ARMH4: variants seen among roughly 807,000 people sequenced by gnomAD.
The protein encoded by ARMH4 is armadillo like helical domain containing 4, also known as armadillo-like helical domain-containing protein 4.
In ARMH4, 49 loss-of-function variants were observed where a neutral mutation model predicts 61.9. The ratio of observed to expected loss-of-function variants is 0.79; its 90% CI spans 0.63 to 1.00. ARMH4 has a LOEUF of 1.00. Among genes scored for constraint, ARMH4 ranks in the 50% least tolerant of loss-of-function variants. The pLI is 0.00. For synonymous variants in ARMH4, 368 were observed against 341.5 expected (o/e 1.08, Z -0.85); for missense variants, 934 against 930.0 (o/e 1.00, Z -0.06).
chr14:58,072,269 T>C (rs1884906105), intron 5 of ARMH4, among the ~76,000 whole-genome samples: 1 of 152,206 alleles, frequency 6.6e-6, no homozygotes, highest in Non-Finnish European at 1.5e-5. Flanking sequence ...GCAACTTTTT[T>C]TTCTGAAGAG....
intron 5 of ARMH4, among the ~76,000 whole-genome samples, chr14:58,029,006 T>C (rs1883118033): frequency 6.6e-6 from 1 of 152,138 alleles, no homozygotes; most frequent in Non-Finnish European, 1.5e-5. Context: ...AACCATTACC[T>C]CTATCTAGTT....
rs1217717365 is a variant in ARMH4 at position 58,096,902 on chromosome 14, A to G, written c.1911T>C (p.Asp637=). 4 of 1,613,946 alleles carry G rather than the reference A, an allele frequency of 2.5e-6. No individual in the cohort carries two copies. Among genetic ancestry groups the G allele is most frequent in the South Asian group, 2.2e-5 (2 of 91,070 alleles). ...EEEDEEEDEE[D]KDADSLDEGL... is the part of the protein sequence containing the mutation. ...CCTCATCCAGCGAGTCTGCATCTTT[A>G]TCTTCCTCATCTTCTTCCTCATCTT... Residue 637 remains aspartate (D), a synonymous_variant, in exon 5 of 8, where the codon GAT becomes GAC. Coordinates refer to ENST00000267485, the MANE Select transcript of ARMH4 (RefSeq NM_001001872.4).
chr14:58,047,921 T>G (rs150931487), intron 5 of ARMH4, among the ~76,000 whole-genome samples: 1 of 152,092 alleles, frequency 6.6e-6, no homozygotes, highest in Non-Finnish European at 1.5e-5. Flanking sequence ...TCTGGGTAGA[T>G]GGCAGAGAAC....
intron 5 of ARMH4, among the ~76,000 whole-genome samples, chr14:58,068,370 T>C (rs948409179): frequency 6.6e-6 from 1 of 152,194 alleles, no homozygotes; most frequent in Non-Finnish European, 1.5e-5. Flanking sequence ...TTGAAAATGT[T>C]GTAGTCTTGA....
intron 5 of ARMH4, among the ~76,000 whole-genome samples, chr14:58,061,422 G>A (rs554138589): frequency 1.3e-4 from 19 of 151,954 alleles, no homozygotes; most frequent in African/African-American, 2.9e-4. Flanking sequence ...CCACCTTACC[G>A]AGCCCACCTC....
At chr14:58,028,504 T>C (rs766686460) in intron 5 of ARMH4, among the ~76,000 whole-genome samples, 2 of 152,214 alleles carry the variant, frequency 1.3e-5, no homozygotes, top group Non-Finnish European at 2.9e-5. Context: ...CCTGGCTTGC[T>C]GACAAGTAAC....
At chr14:58,025,521 G>T (rs1241025094) in intron 5 of ARMH4, among the ~76,000 whole-genome samples, 2 of 152,136 alleles carry the variant, frequency 1.3e-5, no homozygotes, top group Non-Finnish European at 2.9e-5. Flanking sequence ...TTTGTTCAAA[G>T]CATGTGTAAC....
chr14:58,133,541 A>G (rs2139964453), intron 2 of ARMH4, among the ~76,000 whole-genome samples, 200 bp from the exon 3 acceptor site: 1 of 152,330 alleles, frequency 6.6e-6, no homozygotes, highest in South Asian at 2.1e-4. Flanking sequence ...GAATCAATCT[A>G]CAACAGAGAT....
chr14:58,028,005 A>G (rs1166024909), intron 5 of ARMH4, among the ~76,000 whole-genome samples: 2 of 151,920 alleles, frequency 1.3e-5, no homozygotes, highest in Admixed American at 1.3e-4. Context: ...AACAGGCCAG[A>G]CTCTCTTTCC....
intron 5 of ARMH4, among the ~76,000 whole-genome samples, chr14:58,045,138 T>C (rs540921413): frequency 9.2e-5 from 14 of 152,230 alleles, no homozygotes; most frequent in Non-Finnish European, 1.8e-4. Flanking sequence ...TTATAAATCA[T>C]GCTGCTATAA....
intron 4 of ARMH4, among the ~76,000 whole-genome samples, chr14:58,130,066 AT>A (rs1022333605): frequency 2.0e-5 from 3 of 151,990 alleles, no homozygotes; most frequent in Admixed American, 6.6e-5. Flanking sequence ...ATTCACAAAT[AT>A]TTTTTTTCTC....
intron 2 of ARMH4, 126 bp downstream of exon 2, chr14:58,137,864 G>A: frequency 1.1e-6 from 1 of 946,192 alleles, no homozygotes. Context: ...TGGGATTATA[G>A]GCATGAGCTG....
intron 5 of ARMH4, among the ~76,000 whole-genome samples, chr14:58,054,950 C>T (rs554252633): frequency 2.1e-4 from 32 of 151,790 alleles, no homozygotes; most frequent in African/African-American, 7.7e-4. Context: ...GGGTCTGGTT[C>T]AGGGCAACCA....
At chr14:58,065,969 T>C (rs1267615168) in intron 5 of ARMH4, among the ~76,000 whole-genome samples, 1 of 152,216 alleles carries the variant, frequency 6.6e-6, no homozygotes, top group Non-Finnish European at 1.5e-5. Context: ...CCATGTGAGC[T>C]TGGAGGCAGA....
chr14:58,089,096 C>A (rs1220218090), intron 5 of ARMH4, among the ~76,000 whole-genome samples: 2 of 152,182 alleles, frequency 1.3e-5, no homozygotes, highest in African/African-American at 4.8e-5. Context: ...AGCCAATCTA[C>A]CATCTCTCTT....
chr14:58,089,891 A>T (rs1028813686), intron 5 of ARMH4, among the ~76,000 whole-genome samples: 14 of 152,178 alleles, frequency 9.2e-5, no homozygotes, highest in Non-Finnish European at 1.5e-5. Context: ...CATTTATGAG[A>T]CCACACTCTG....
rs979111683 is a variant in ARMH4, at chr14:58,005,087, A to G, written c.2217T>C (p.Asn739=). The G allele has an allele frequency of 1.9e-6, 3 of 1,613,952 alleles. No individual in the cohort carries two copies. The highest frequency in any genetic ancestry group is 8.5e-7 in the Non-Finnish European group (1 of 1,179,938). The change falls in exon 7 of 8, where the codon AAT becomes AAC. Residue 739 remains asparagine, a synonymous_variant. Transcript: ENST00000267485. ...LGALYSIKVM[N]RRRRNGFKRH... Reference sequence around the variant, plus strand: ...TTTTGAAGCCATTTCTCCTTCGGCGATTCATAACCTTAATGCTGTAGAGGG... The same window carrying G: ...TTTTGAAGCCATTTCTCCTTCGGCGGTTCATAACCTTAATGCTGTAGAGGG...
At chr14:58,109,050 G>C (rs1183355541) in intron 4 of ARMH4, among the ~76,000 whole-genome samples, 4 of 151,980 alleles carry the variant, frequency 2.6e-5, no homozygotes, top group African/African-American at 7.3e-5. Flanking sequence ...TTTCTATCCT[G>C]GACATCAATC....
intron 5 of ARMH4, among the ~76,000 whole-genome samples, chr14:58,075,599 G>T (rs1885021645): frequency 1.3e-5 from 2 of 151,914 alleles, no homozygotes; most frequent in South Asian, 4.2e-4. Context: ...ACCGGGGCCT[G>T]TTGGGGGGTG....
Sources: allele counts gnomAD v4.1 joint callset (sites outside exome capture counted in the v4.1 genomes callset), GRCh38; gene constraint gnomAD v4.1.1; transcripts MANE v1.5; gene names NCBI Gene and HGNC (gene_info 2026-07-23, HGNC 2026-07-21).